The following MCF2L variants were observed in gnomAD, a reference collection of about 807,000 sequenced individuals.
The protein encoded by MCF2L is guanine nucleotide exchange factor DBS.
Under a neutral mutation model 153.4 loss-of-function variants are expected in MCF2L, and 97 were observed. That is an observed-to-expected ratio of 0.63 (90% CI 0.54 to 0.75). The LOEUF (loss-of-function observed/expected upper bound fraction) is 0.75. Ranked by LOEUF, MCF2L falls within the 30% of genes least tolerant of loss-of-function variation. MCF2L has a pLI of 0.00. For missense variants in MCF2L, 1,347 were observed against 1,495.2 expected (o/e 0.90, Z 1.64); for synonymous variants, 659 against 632.2 (o/e 1.04, Z -0.64).
intron 18 of MCF2L, 112 bp from the exon 19 acceptor site, chr13:113,084,780 C>A: frequency 1.2e-6 from 1 of 807,408 alleles, no homozygotes; most frequent in Non-Finnish European, 2.1e-6. Context: ...GCCGGGAAGA[C>A]GCTGCGTGAT....
At chr13:113,065,357 C>T (rs1184595951) in intron 7 of MCF2L, 1 of 476,062 alleles carries the variant, frequency 2.1e-6, no homozygotes, top group Non-Finnish European at 3.8e-6. Context: ...AACCATTGGC[C>T]CTGGGTGGCC....
At chr13:112,984,485 G>A (rs941944728) in intron 1 of MCF2L, among the ~76,000 whole-genome samples, 10 of 152,220 alleles carry the variant, frequency 6.6e-5, no homozygotes, top group African/African-American at 1.7e-4. Flanking sequence ...TGATCCGCCC[G>A]CCTCAGCCTC....
chr13:113,012,984 C>T (rs1488281298), intron 1 of MCF2L, among the ~76,000 whole-genome samples: 2 of 151,560 alleles, frequency 1.3e-5, no homozygotes, highest in Non-Finnish European at 2.9e-5. Flanking sequence ...GCGGTGTGGA[C>T]GGTGGACACT....
chr13:112,899,406 A>AT (rs1168101839), intron 1 of MCF2L, among the ~76,000 whole-genome samples: 2 of 151,858 alleles, frequency 1.3e-5, no homozygotes, highest in African/African-American at 4.8e-5. Context: ...CGGTCTTGGG[A>AT]TTTTGAAGAG....
At chr13:113,090,079 A>T (rs968952941) in intron 26 of MCF2L, 7 of 1,554,092 alleles carry the variant, frequency 4.5e-6, no homozygotes, top group Non-Finnish European at 6.1e-6. Context: ...TGACACGGTC[A>T]CTAGCTCTGC....
In MCF2L at chr13:113,021,451, G is replaced by C. The variant is rs1222166992; in HGVS notation, c.164-3193G>C. On this transcript the variant is annotated intron_variant, in intron 2 of 29. Transcript: ENST00000535094. ...GCTTGGGTGCGAGAGTTCACATGCA[G>C]GTGTGACAGGTCTCAGCCAGGACAG... Among the ~76,000 whole-genome samples the C allele has an allele frequency of 2.0e-5, 3 of 152,226 alleles. No individual in the cohort carries two copies. The South Asian group carries it at 6.2e-4, about 32-fold the overall frequency.
chr13:112,895,634 G>C (rs1031810383), intron 1 of MCF2L, among the ~76,000 whole-genome samples: 5 of 152,152 alleles, frequency 3.3e-5, no homozygotes, highest in African/African-American at 4.8e-5. Context: ...GGGTAGCTGG[G>C]GGGACGGGAC....
chr13:112,932,006 C>T lies in MCF2L; in HGVS notation c.169+29635C>T, dbSNP rs940752896. 1.7e-4 allele frequency among the ~76,000 whole-genome samples: 26 copies of T among 152,192 alleles called. No homozygotes were observed. The highest frequency in any genetic ancestry group is 6.0e-4 in the African/African-American group (25 of 41,426). ...GGAGACAAGAGATAAGTCTCCCTTGCAGAAGAATTCCCCATCCTTCATGTA... is the reference window on the plus strand; with the variant it reads ...GGAGACAAGAGATAAGTCTCCCTTGTAGAAGAATTCCCCATCCTTCATGTA... On this transcript the variant is annotated intron_variant, in intron 2 of 29. Coordinates refer to the MCF2L transcript ENST00000375608. The surrounding 1 kb of genome is among the most constrained non-coding windows in gnomAD (Gnocchi z 4.6).
chr13:113,000,923 T>G (rs2083341653), intron 1 of MCF2L, among the ~76,000 whole-genome samples: 1 of 152,084 alleles, frequency 6.6e-6, no homozygotes, highest in Non-Finnish European at 1.5e-5. Context: ...GGTGTGATAT[T>G]CTCAGGAGAT....
At chr13:113,029,031 C>T (rs1233102074) in intron 3 of MCF2L, among the ~76,000 whole-genome samples, 4 of 151,980 alleles carry the variant, frequency 2.6e-5, no homozygotes, top group African/African-American at 9.7e-5. Context: ...GTGCATTCTA[C>T]CCACGTTTCC....
chr13:112,917,479 C>G, intron 2 of MCF2L: 1 of 313,044 alleles, frequency 3.2e-6, no homozygotes, highest in Non-Finnish European at 6.3e-6. Flanking sequence ...GCGCCTGTCC[C>G]TCCCCACCGC....
At chr13:113,084,431 T>G in intron 18 of MCF2L, 1 of 338,700 alleles carries the variant, frequency 3.0e-6, no homozygotes, top group South Asian at 4.9e-5. Context: ...CTTAAAACCT[T>G]CTGTGCCCCT....
rs140180905 is a variant in MCF2L at position 113,014,442 on chromosome 13, A to T, written c.80-321A>T. On this transcript the variant is annotated intron_variant, in intron 1 of 29. Coordinates refer to ENST00000535094, the MANE Select transcript of MCF2L (RefSeq NM_001112732.3). ...GTATTTATCCGAGGAGCCAGGACCA[A>T]GCCCTTTCCCACTGCTCCCCTGCCT... Among the ~76,000 whole-genome samples, 395 of 152,244 alleles carry T rather than the reference A, an allele frequency of 2.6e-3. 3 individuals carry two copies. Among genetic ancestry groups the T allele is most frequent in the African/African-American group, 9.1e-3 (380 of 41,542 alleles).
At chr13:113,078,317 G>C in intron 13 of MCF2L, 46 bp from the exon 14 acceptor site, 1 of 1,475,618 alleles carries the variant, frequency 6.8e-7, no homozygotes, top group Non-Finnish European at 9.5e-7. Context: ...CCCCTCTCCA[G>C]AGGGTCAGAG....
rs2086819188 is a variant in MCF2L, at chr13:113,046,449, C to G, written c.369+1088C>G. The G allele has an allele frequency of 2.1e-6, 1 of 480,138 alleles. No homozygotes were observed. The highest frequency in any genetic ancestry group is 2.0e-5 in the African/African-American group (1 of 49,806). The allele number at this position is 480,138 out of a possible 1,614,324, so 29.7% of individuals were successfully genotyped here. ...CAGATTCTCCCAGTGAAGTCAGATT[C>G]TCCTGGCCTTTCCTGGGTCCCGCGT... is the stretch of plus-strand genomic sequence containing the variant. On this transcript the variant is annotated intron_variant, in intron 4 of 29. Transcript: ENST00000535094. The surrounding 1 kb of genome is among the most constrained non-coding windows in gnomAD (Gnocchi z 4.4).
intron 21 of MCF2L, 25 bp downstream of exon 21, chr13:113,086,274 TC>T: frequency 6.2e-7 from 1 of 1,605,512 alleles, no homozygotes; most frequent in South Asian, 1.1e-5. Context: ...TGCCCGGTCT[TC>T]CCCGCCGCCT....
chr13:113,046,524 G>A lies in MCF2L; in HGVS notation c.369+1163G>A, dbSNP rs531046187. 9 of 526,790 alleles carry A rather than the reference G, an allele frequency of 1.7e-5. No homozygotes were observed. The highest frequency in any genetic ancestry group is 5.6e-5 in the East Asian group (1 of 17,990). 32.6% of individuals were successfully genotyped at this position (526,790 alleles called of 1,614,324 possible). A position where few individuals can be genotyped will look rare whatever the true frequency, so the allele number is the denominator to read the frequency against. ...CCTCTCGGTGGCTGCTGGCTGGTGC[G>A]CCAAGGTTTGAGGTATACTGAAAAA... On this transcript the variant is annotated intron_variant, in intron 4 of 29. Coordinates refer to ENST00000535094, the MANE Select transcript of MCF2L (RefSeq NM_001112732.3). This position sits in a 1 kb window ranked among gnomAD's most constrained non-coding sequence, Gnocchi z 4.4.
At position 113,046,359 on chromosome 13, in the gene MCF2L, C is replaced by G. The variant is rs1418098588; in HGVS notation, c.369+998C>G. 1 of 351,946 alleles carries G rather than the reference C, an allele frequency of 2.8e-6. No homozygotes were observed. The highest frequency in any genetic ancestry group is 2.2e-5 in the African/African-American group (1 of 46,284). The allele number at this position is 351,946 out of a possible 1,614,324, so 21.8% of individuals were successfully genotyped here. A position where few individuals can be genotyped will look rare whatever the true frequency, so the allele number is the denominator to read the frequency against. On this transcript the variant is annotated intron_variant, in intron 4 of 29. Coordinates refer to ENST00000535094, the MANE Select transcript of MCF2L (RefSeq NM_001112732.3). This position sits in a 1 kb window ranked among gnomAD's most constrained non-coding sequence, Gnocchi z 4.4. The stretch of plus-strand genomic sequence containing the variant: ...CCCGTCCCTCCCAGGCTCTGGGACC[C>G]TGGGTCCTCAGCTGTGATGGCACAA...
At position 113,031,266 on chromosome 13, in the gene MCF2L, CAGACAGAGACACGG is replaced by C. The variant is rs1478237265; in HGVS notation, c.278+6514_278+6527del. ...AGAGAGTGACAGAGATAGAGACAGA[CAGACAGAGACACGG>C]AGACACAGAGATAAAGAGAGCACGA... On this transcript the variant is annotated intron_variant, in intron 3 of 29. Coordinates refer to ENST00000535094, the MANE Select transcript of MCF2L (RefSeq NM_001112732.3). The surrounding 1 kb of genome is among the most constrained non-coding windows in gnomAD (Gnocchi z 5.5). Among the ~76,000 whole-genome samples the C allele has an allele frequency of 2.6e-5, 4 of 152,092 alleles. No individual in the cohort carries two copies. The highest frequency in any genetic ancestry group is 2.0e-4 in the Admixed American group (3 of 15,286).
Sources: allele counts gnomAD v4.1 joint callset (sites outside exome capture counted in the v4.1 genomes callset), GRCh38; gene constraint gnomAD v4.1.1; non-coding constraint Gnocchi (gnomAD v3.1); transcripts MANE v1.5; gene names NCBI Gene and HGNC (gene_info 2026-07-23, HGNC 2026-07-21).